The following ZNF3 variants were observed in gnomAD, a reference collection of about 807,000 sequenced individuals.
ZNF3 encodes zinc finger protein 3.
A neutral mutation model predicts 36.9 loss-of-function variants in ZNF3; 16 were observed. That is an observed-to-expected ratio of 0.43 (90% confidence interval 0.29 to 0.66). The LOEUF (loss-of-function observed/expected upper bound fraction) is 0.66, where lower values mean the gene tolerates loss of function less well. Among genes scored for constraint, ZNF3 ranks in the 30% least tolerant of loss-of-function variants. ZNF3 has a pLI of 0.13. For missense variants in ZNF3, 462 were observed against 543.1 expected, an observed-to-expected ratio of 0.85 and a Z score of 1.48; for synonymous variants, 201 against 201.9, an observed-to-expected ratio of 1.00 and a Z score of 0.04.
At chr7:100,072,545 A>G (rs1362992951) in intron 5 of ZNF3, among the ~76,000 whole-genome samples, 1 of 152,132 alleles carries the variant, frequency 6.6e-6, no homozygotes, top group Non-Finnish European at 1.5e-5. Context: ...GCCTTTAGAG[A>G]GGTCAGGGCA....
At position 100,070,149 on chromosome 7, in the gene ZNF3, C is replaced by T. The variant is rs1024187871; in HGVS notation, c.*994G>A. 4 of 981,980 alleles carry T rather than the reference C, an allele frequency of 4.1e-6. No individual in the cohort carries two copies. The highest frequency in any genetic ancestry group is 1.8e-5 in the African/African-American group (1 of 56,314). The allele number at this position is 981,980 out of a possible 1,614,324, so 60.8% of individuals were successfully genotyped here. On this transcript the variant is annotated 3_prime_UTR_variant, in exon 6 of 6. Transcript: ENST00000299667. ...GGCACAGCCTGCCTTCTCTGGGCTT[C>T]GTTTTTTTGTTTTTTTGTTTTTTTT...
chr7:100,070,173 T>G lies in ZNF3; in HGVS notation c.*970A>C. ...TCGTTTTTTTGTTTTTTTGTTTTTT[T>G]TTTCTCCCTTTTGGGCTTTGCTCTT... is the stretch of plus-strand genomic sequence containing the variant. On this transcript the variant is annotated 3_prime_UTR_variant, in exon 6 of 6. Transcript: ENST00000299667. 23 of 984,976 alleles carry G rather than the reference T, an allele frequency of 2.3e-5. No individual in the cohort carries two copies. Among genetic ancestry groups the G allele is most frequent in the Non-Finnish European group, 2.5e-5 (21 of 829,842 alleles). The allele number at this position is 984,976 out of a possible 1,614,324, so 61.0% of individuals were successfully genotyped here. A position where few individuals can be genotyped will look rare whatever the true frequency, so the allele number is the denominator to read the frequency against.
In ZNF3 at chr7:100,070,846, C is replaced by A; in HGVS notation, c.*297G>T. ...ATTCTGTCCCGACTGTGCTTCCATCCCCACCTTGGAAAGGTTCCTCTGCTG... is the reference window on the plus strand; with the variant it reads ...ATTCTGTCCCGACTGTGCTTCCATCACCACCTTGGAAAGGTTCCTCTGCTG... On this transcript the variant is annotated 3_prime_UTR_variant, in exon 6 of 6. Coordinates refer to ENST00000299667, the MANE Select transcript of ZNF3 (RefSeq NM_032924.5). 1 of 1,153,944 alleles carries A rather than the reference C, an allele frequency of 8.7e-7. No individual in the cohort carries two copies. Among genetic ancestry groups the A allele is most frequent in the African/African-American group, 1.6e-5 (1 of 63,170 alleles). The allele number at this position is 1,153,944 out of a possible 1,614,324, so 71.5% of individuals were successfully genotyped here. A position where few individuals can be genotyped will look rare whatever the true frequency, so the allele number is the denominator to read the frequency against.
intron 5 of ZNF3, among the ~76,000 whole-genome samples, chr7:100,074,712 T>C (rs1793777763): frequency 6.6e-6 from 1 of 152,238 alleles, no homozygotes; most frequent in Non-Finnish European, 1.5e-5. Context: ...TTAAGATTAT[T>C]GTTCTTACAG....
upstream of ZNF3, among the ~76,000 whole-genome samples, chr7:100,082,074 C>T (rs1274863552): frequency 2.6e-5 from 4 of 152,178 alleles, no homozygotes; most frequent in Admixed American, 1.3e-4. Context: ...CTCAGGCTGG[C>T]TCGCGAAGGG....
intron 5 of ZNF3, 27 bp downstream of exon 5, chr7:100,075,108 T>C: frequency 6.4e-7 from 1 of 1,560,648 alleles, no homozygotes. Context: ...CACCAGCGAG[T>C]TTTGTTGACA....
chr7:100,066,745 A>C (rs1792671317), downstream of ZNF3, among the ~76,000 whole-genome samples: 1 of 151,140 alleles, frequency 6.6e-6, no homozygotes, highest in East Asian at 2.0e-4. Context: ...TCAAACAATA[A>C]ATAAATAGGC....
In ZNF3 at chr7:100,070,457, A is replaced by T; in HGVS notation, c.*686T>A. ...AGCCGGTTACTAGCTGTTTGGACAG[A>T]TTTGCCCATTCAGCCCCAGGACAAC... On this transcript the variant is annotated 3_prime_UTR_variant, in exon 6 of 6. Coordinates refer to ENST00000299667, the MANE Select transcript of ZNF3 (RefSeq NM_032924.5). 1.0e-6 allele frequency: 1 copy of T among 985,520 alleles called. No individual in the cohort carries two copies. Among genetic ancestry groups the T allele is most frequent in the East Asian group, 1.1e-4 (1 of 8,810 alleles). The allele number at this position is 985,520 out of a possible 1,614,324, so 61.0% of individuals were successfully genotyped here.
downstream of ZNF3, among the ~76,000 whole-genome samples, chr7:100,065,338 C>T (rs1420800756): frequency 1.3e-5 from 2 of 151,526 alleles, no homozygotes; most frequent in Non-Finnish European, 2.9e-5. Flanking sequence ...GTGGGAGAAT[C>T]GCTTGAACCC....
chr7:100,070,682 C>G lies in ZNF3; in HGVS notation c.*461G>C, dbSNP rs1402490621. ...TGAAACAAAACAGCATGTTTCTTAC[C>G]GAAACTTAAAGCTGGACTAGGAACA... On this transcript the variant is annotated 3_prime_UTR_variant, in exon 6 of 6. Coordinates refer to ENST00000299667, the MANE Select transcript of ZNF3 (RefSeq NM_032924.5). 1.0e-6 allele frequency: 1 copy of G among 991,796 alleles called. No homozygotes were observed. Among genetic ancestry groups the G allele is most frequent in the Non-Finnish European group, 1.2e-6 (1 of 833,700 alleles). The allele number at this position is 991,796 out of a possible 1,614,324, so 61.4% of individuals were successfully genotyped here. A position where few individuals can be genotyped will look rare whatever the true frequency, so the allele number is the denominator to read the frequency against.
In ZNF3 at chr7:100,064,922, G is replaced by A. The variant is rs747596972; in HGVS notation, c.272-10C>T. 3.1e-6 allele frequency: 5 copies of A among 1,612,266 alleles called. No homozygotes were observed. The South Asian group carries it at 5.5e-5, about 18-fold the overall frequency. The stretch of plus-strand genomic sequence containing the variant: ...CAGACGTGTATCCAGTCTAGTTAAG[G>A]AAGAAACATTAAGATTGTTTAATTT... On this transcript the variant is annotated splice_polypyrimidine_tract_variant and intron_variant, in intron 5 of 5. Transcript: ENST00000413658.
intron 5 of ZNF3, among the ~76,000 whole-genome samples, chr7:100,074,813 C>T (rs1793796811): frequency 6.6e-6 from 1 of 152,048 alleles, no homozygotes; most frequent in Non-Finnish European, 1.5e-5. Context: ...ACGGGTGGAT[C>T]ACTTGAGGTC....
chr7:100,064,027 A>G (rs140607349), downstream of ZNF3: 42 of 1,614,064 alleles, frequency 2.6e-5, no homozygotes, highest in East Asian at 1.1e-4. Flanking sequence ...GAGACGTTAT[A>G]TATGTGCTGA....
chr7:100,070,602 TCTACC>T lies in ZNF3; in HGVS notation c.*536_*540del. On this transcript the variant is annotated 3_prime_UTR_variant, in exon 6 of 6. Coordinates refer to ENST00000299667, the MANE Select transcript of ZNF3 (RefSeq NM_032924.5). ...CACAGATGATGATTCTGGAATCTCT[TCTACC>T]CTCAATAAAATAATCCCTCAATGCC... is the stretch of plus-strand genomic sequence containing the variant. 1.0e-6 allele frequency: 1 copy of T among 988,866 alleles called. No individual in the cohort carries two copies. Among genetic ancestry groups the T allele is most frequent in the Non-Finnish European group, 1.2e-6 (1 of 831,922 alleles). The allele number at this position is 988,866 out of a possible 1,614,324, so 61.3% of individuals were successfully genotyped here.
chr7:100,064,199 G>T (rs781008159), exon 6 of ZNF3: 1 of 1,614,056 alleles, frequency 6.2e-7, no homozygotes, highest in Non-Finnish European at 8.5e-7. Flanking sequence ...CCCTATGACT[G>T]TAAGTGTGGA....
intron 2 of ZNF3, 199 bp from the exon 3 acceptor site, chr7:100,077,632 G>T: frequency 3.2e-6 from 1 of 309,136 alleles, no homozygotes; most frequent in Non-Finnish European, 5.7e-6. Context: ...TATTGCCCAG[G>T]CAGGTCTGGA....
downstream of ZNF3, among the ~76,000 whole-genome samples, chr7:100,069,080 G>A (rs938872043): frequency 4.6e-5 from 7 of 151,596 alleles, no homozygotes; most frequent in Middle Eastern, 3.2e-3. Flanking sequence ...CGCCCACCTC[G>A]GCCTCCCAAA....
intron 3 of ZNF3, among the ~76,000 whole-genome samples, chr7:100,075,872 G>A (rs1315475106): frequency 1.3e-5 from 2 of 152,184 alleles, no homozygotes; most frequent in Non-Finnish European, 2.9e-5. Context: ...TCTCCAGTCT[G>A]TCCCAGGTCC....
chr7:100,075,494 A>G, intron 4 of ZNF3, 48 bp downstream of exon 4: 1 of 1,606,680 alleles, frequency 6.2e-7, no homozygotes, highest in African/African-American at 1.3e-5. Flanking sequence ...ATGGGATGTC[A>G]TTGCACAGAA....
Sources: gnomAD v4.1 joint callset for allele counts (sites outside exome capture counted in the v4.1 genomes callset) on GRCh38, gnomAD v4.1.1 for gene constraint, MANE v1.5 for transcripts, NCBI Gene and HGNC (gene_info 2026-07-23, HGNC 2026-07-21) for gene names.